CEP63: variants seen among roughly 807,000 people sequenced by gnomAD.
CEP63 encodes centrosomal protein of 63 kDa.
A neutral mutation model predicts 89.1 loss-of-function variants in CEP63; 84 were observed. That is an observed-to-expected ratio of 0.94 (90% confidence interval 0.79 to 1.13). The LOEUF (loss-of-function observed/expected upper bound fraction) is 1.13. Ranked by LOEUF, CEP63 falls within the 50% of genes most tolerant of loss-of-function variation. The pLI, the probability that CEP63 is intolerant of heterozygous loss-of-function variation, is 0.00. For missense variants in CEP63, 838 were observed against 813.3 expected, an observed-to-expected ratio of 1.03 and a Z score of -0.37; for synonymous variants, 267 against 272.5, an observed-to-expected ratio of 0.98 and a Z score of 0.20.
At chr3:134,766,342 C>T in the CEP63 span, among the ~76,000 whole-genome samples, 1 of 152,204 alleles carries the variant, frequency 6.6e-6, no homozygotes, top group Admixed American at 6.5e-5. Flanking sequence ...GTGCCCAGTT[C>T]TGGTGCCTGC....
intron 5 of CEP63, among the ~76,000 whole-genome samples, chr3:134,534,714 CT>C (rs1243308074): frequency 2.0e-5 from 3 of 152,152 alleles, no homozygotes; most frequent in African/African-American, 7.2e-5. Context: ...CCTAATCATA[CT>C]GTCTGTTCTC....
At chr3:134,589,264 C>G (rs1176166940), downstream of CEP63, among the ~76,000 whole-genome samples, 2 of 152,164 alleles carry the variant, frequency 1.3e-5, no homozygotes, top group Non-Finnish European at 2.9e-5. Flanking sequence ...CAAGTACAGA[C>G]TCTCTTATGA....
At chr3:134,739,937 G>A in the CEP63 span, among the ~76,000 whole-genome samples, 8 of 152,196 alleles carry the variant, frequency 5.3e-5, no homozygotes, top group South Asian at 1.2e-3. Context: ...TGAGGACACC[G>A]GTGTACTTGT....
the CEP63 span, chr3:134,610,322 C>T: frequency 1.2e-6 from 2 of 1,613,764 alleles, no homozygotes; most frequent in African/African-American, 2.7e-5. Flanking sequence ...AAGCTCTGCC[C>T]TGTCTGGTAG....
the CEP63 span, among the ~76,000 whole-genome samples, chr3:134,616,468 G>A: frequency 6.6e-6 from 1 of 152,176 alleles, no homozygotes; most frequent in African/African-American, 2.4e-5. Context: ...CAAACTTTTG[G>A]CAGTTATTTT....
chr3:134,753,519 G>A, the CEP63 span, among the ~76,000 whole-genome samples: 3 of 152,210 alleles, frequency 2.0e-5, no homozygotes, highest in African/African-American at 4.8e-5. Flanking sequence ...CATAAAGACA[G>A]CAACAGCCAC....
intron 11 of CEP63, among the ~76,000 whole-genome samples, chr3:134,571,667 C>T (rs376803304): frequency 1.4e-4 from 21 of 152,126 alleles, no homozygotes; most frequent in Middle Eastern, 3.4e-3. Context: ...GGCAACAGAG[C>T]GAGACTCTGT....
At chr3:134,684,528 T>G in the CEP63 span, among the ~76,000 whole-genome samples, 1 of 152,248 alleles carries the variant, frequency 6.6e-6, no homozygotes. Context: ...AAGGACGCTT[T>G]CCTGCTACAA....
the CEP63 span, among the ~76,000 whole-genome samples, chr3:134,761,161 G>C: frequency 6.6e-6 from 1 of 152,146 alleles, no homozygotes; most frequent in Non-Finnish European, 1.5e-5. Context: ...CACATCCACT[G>C]TTCTATTTCA....
chr3:134,649,501 A>T, the CEP63 span, among the ~76,000 whole-genome samples: 1 of 152,192 alleles, frequency 6.6e-6, no homozygotes, highest in Non-Finnish European at 1.5e-5. Flanking sequence ...GAGCAGTCTC[A>T]TTTCTATCAA....
the CEP63 span, among the ~76,000 whole-genome samples, chr3:134,731,426 A>T: frequency 6.6e-6 from 1 of 152,208 alleles, no homozygotes; most frequent in East Asian, 1.9e-4. Flanking sequence ...TTTGATCCCA[A>T]TGCAATAAAA....
At chr3:134,535,511 T>TC (rs1950606686) in intron 5 of CEP63, 1 of 151,316 alleles carries the variant, frequency 6.6e-6, no homozygotes, top group African/African-American at 2.4e-5. Flanking sequence ...TTTTTTTTTT[T>TC]CCTATCTACG....
intron 3 of CEP63, among the ~76,000 whole-genome samples, chr3:134,524,399 C>T (rs1473315668): frequency 6.6e-6 from 1 of 152,162 alleles, no homozygotes; most frequent in Non-Finnish European, 1.5e-5. Flanking sequence ...CCTGATTGCT[C>T]TGGCCAGGAC....
At chr3:134,519,546 T>C (rs1162232796) in intron 3 of CEP63, among the ~76,000 whole-genome samples, 1 of 152,186 alleles carries the variant, frequency 6.6e-6, no homozygotes, top group African/African-American at 2.4e-5. Context: ...GAATTTTATA[T>C]AAAATATTCC....
the CEP63 span, among the ~76,000 whole-genome samples, chr3:134,592,855 C>A: frequency 6.6e-6 from 1 of 152,194 alleles, no homozygotes; most frequent in East Asian, 1.9e-4. Context: ...TTTTCATCTG[C>A]TCTTTTGGCT....
the CEP63 span, chr3:134,608,498 T>G: frequency 6.4e-7 from 1 of 1,554,052 alleles, no homozygotes; most frequent in Non-Finnish European, 8.7e-7. Flanking sequence ...CCTCCACTCA[T>G]CCACATGCAC....
chr3:134,569,051 C>T (rs1957909253), downstream of CEP63, among the ~76,000 whole-genome samples: 1 of 152,204 alleles, frequency 6.6e-6, no homozygotes, highest in South Asian at 2.1e-4. Context: ...TCTTGCGAGA[C>T]TTATTCACCA....
the CEP63 span, among the ~76,000 whole-genome samples, chr3:134,715,651 T>C: frequency 6.6e-6 from 1 of 152,028 alleles, no homozygotes; most frequent in African/African-American, 2.4e-5. Flanking sequence ...AATGCGGGGC[T>C]AGGTCTTCCT....
the CEP63 span, among the ~76,000 whole-genome samples, chr3:134,601,550 G>T: frequency 2.8e-4 from 43 of 152,282 alleles, no homozygotes; most frequent in East Asian, 7.7e-3. Flanking sequence ...CTGTTTTCAG[G>T]GTGTAAAACT....
Sources: gnomAD v4.1 joint callset for allele counts (sites outside exome capture counted in the v4.1 genomes callset) on GRCh38, gnomAD v4.1.1 for gene constraint, MANE v1.5 for transcripts, NCBI Gene and HGNC (gene_info 2026-07-23, HGNC 2026-07-21) for gene names.